Variants in PHACTR2 observed in about 807,000 individuals in gnomAD.
PHACTR2 encodes the protein chromosome 6 open reading frame 56.
In PHACTR2, 30 loss-of-function variants were observed where a neutral mutation model predicts 76.0. The ratio of observed to expected loss-of-function variants is 0.39; its 90% CI spans 0.30 to 0.54. The LOEUF is 0.54. Ranked by LOEUF, PHACTR2 falls within the 20% of genes least tolerant of loss-of-function variation. PHACTR2 has a pLI of 0.61. For synonymous variants in PHACTR2, 292 were observed against 292.5 expected (o/e 1.00, Z 0.02); for missense variants, 696 against 781.1 (o/e 0.89, Z 1.30).
chr6:143,827,857 T>TATTG lies in PHACTR2; in HGVS notation c.*4169_*4172dup, dbSNP rs1353782182. 6.6e-6 allele frequency: 1 copy of TATTG among 152,116 alleles called. No homozygotes were observed. The highest frequency in any genetic ancestry group is 2.4e-5 in the African/African-American group (1 of 41,424). 9.4% of individuals were successfully genotyped at this position (152,116 alleles called of 1,614,324 possible). A position where few individuals can be genotyped will look rare whatever the true frequency, so the allele number is the denominator to read the frequency against. On this transcript the variant is annotated 3_prime_UTR_variant, in exon 13 of 13. Transcript: ENST00000440869. ...ACTTATATAACTAAAATATGTCCTATATTGGCTGGGTGCGGTGGCTTACAC... is the reference window on the plus strand; with the variant it reads ...ACTTATATAACTAAAATATGTCCTATATTGATTGGCTGGGTGCGGTGGCTTACAC...
At position 143,595,883 on chromosome 6, in the gene PHACTR2, TC is replaced by T. The variant is rs1217430794; in HGVS notation, c.217+58679del. Among the ~76,000 whole-genome samples the T allele has an allele frequency of 6.6e-6, 1 of 152,236 alleles. No homozygotes were observed. Among genetic ancestry groups the T allele is most frequent in the African/African-American group, 2.4e-5 (1 of 41,462 alleles). ...CATTAATCCTTTAACCTTTTCCTTC[TC>T]CCTTCCTGTCTACTGAGTTGGGTGG... On this transcript the variant is annotated intron_variant, in intron 1 of 11. Coordinates refer to the PHACTR2 transcript ENST00000367584. The surrounding 1 kb of genome is among the most constrained non-coding windows in gnomAD (Gnocchi z 4.2).
chr6:143,804,847 A>G (rs904979673), intron 11 of PHACTR2, among the ~76,000 whole-genome samples: 1 of 152,236 alleles, frequency 6.6e-6, no homozygotes, highest in Non-Finnish European at 1.5e-5. Context: ...AGAATTGTGA[A>G]TCCCAATCAC....
At position 143,765,561 on chromosome 6, in the gene PHACTR2, A is replaced by G; in HGVS notation, c.995A>G (p.Lys332Arg). Residue 332 changes from lysine (K) to arginine (R), a missense_variant, in exon 6 of 13, where the codon AAG becomes AGG. Transcript: ENST00000440869. The surrounding 1 kb of genome is among the most constrained non-coding windows in gnomAD (Gnocchi z 4.1). ...GAEEQNTGKFKSMVPPPPVAP... is the reference protein window; with the variant it reads ...GAEEQNTGKFRSMVPPPPVAP... The stretch of plus-strand genomic sequence containing the variant: ...GAGGAGCAGAACACAGGCAAATTCA[A>G]GTCCATGGTCCCTCCACCCCCTGTG... 1 of 1,614,182 alleles carries G rather than the reference A, an allele frequency of 6.2e-7. No individual in the cohort carries two copies. The highest frequency in any genetic ancestry group is 1.1e-5 in the South Asian group (1 of 91,084).
intron 6 of PHACTR2, among the ~76,000 whole-genome samples, chr6:143,771,210 A>ATATATATG (rs1775122933): frequency 1.3e-5 from 1 of 79,196 alleles, no homozygotes; most frequent in African/African-American, 6.8e-5. Context: ...ATATATATAT[A>ATATATATG]TATATATATA....
At chr6:143,779,899 TTTATATTATA>T (rs377378201) in intron 9 of PHACTR2, among the ~76,000 whole-genome samples, 15,563 of 140,914 alleles carry the variant, frequency 0.11, 873 homozygotes, top group East Asian at 0.19. Flanking sequence ...CATATACGTA[TTTATATTATA>T]TTATATTATA....
chr6:143,622,422 G>A (rs1401676194), intron 1 of PHACTR2, among the ~76,000 whole-genome samples: 3 of 152,074 alleles, frequency 2.0e-5, no homozygotes, highest in African/African-American at 7.2e-5. Flanking sequence ...TCTCCCCACT[G>A]GCCAGGAAAC....
intron 10 of PHACTR2, 79 bp from the exon 11 acceptor site, chr6:143,788,694 G>T: frequency 1.0e-6 from 1 of 1,003,426 alleles, no homozygotes; most frequent in Non-Finnish European, 1.4e-6. Flanking sequence ...TAACTTTGAA[G>T]TGTTCTCTAT....
intron 1 of PHACTR2, among the ~76,000 whole-genome samples, chr6:143,628,212 T>C (rs934331238): frequency 6.6e-6 from 1 of 152,254 alleles, no homozygotes; most frequent in Non-Finnish European, 1.5e-5. Context: ...CATTGGGTTT[T>C]CCCCACCATT....
chr6:143,747,282 G>C (rs1173535159), intron 2 of PHACTR2, among the ~76,000 whole-genome samples: 1 of 151,956 alleles, frequency 6.6e-6, no homozygotes, highest in Non-Finnish European at 1.5e-5. Context: ...TTATCAGAAA[G>C]GAAAAAAAAA....
rs1776979750 is a variant in PHACTR2, at chr6:143,663,569, G to A, written c.14-48447G>A. Among the ~76,000 whole-genome samples, 1 of 151,834 alleles carries A rather than the reference G, an allele frequency of 6.6e-6. No homozygotes were observed. Among genetic ancestry groups the A allele is most frequent in the African/African-American group, 2.4e-5 (1 of 41,336 alleles). On this transcript the variant is annotated intron_variant, in intron 1 of 11. Transcript: ENST00000305766. The surrounding 1 kb of genome is among the most constrained non-coding windows in gnomAD (Gnocchi z 4.1). ...GTTTTTTTAAATAAATGCGATTAAAGCTTTAAATATAGCTCTAATTACCAC... is the reference window on the plus strand; with the variant it reads ...GTTTTTTTAAATAAATGCGATTAAAACTTTAAATATAGCTCTAATTACCAC...
Position 143,765,639 on chromosome 6 carries a change from T to G in PHACTR2, c.1073T>G (p.Ile358Ser), listed in dbSNP as rs764291581. 1 of 1,614,026 alleles carries G rather than the reference T, an allele frequency of 6.2e-7. No homozygotes were observed. The highest frequency in any genetic ancestry group is 8.5e-7 in the Non-Finnish European group (1 of 1,179,976). The change falls in exon 6 of 13, where the codon ATT (isoleucine) becomes AGT (serine). Residue 358 changes from isoleucine (I) to serine (S), a missense_variant. Physicochemically the swap from Ile to Ser is moderately radical, Grantham distance 142. Around this residue, in one of 2 missense-constraint regions of PHACTR2, gnomAD observed 460 missense variants for 450.9 expected, o/e 1.02. Transcript: ENST00000440869. The surrounding 1 kb of genome is among the most constrained non-coding windows in gnomAD (Gnocchi z 4.1). Reference protein sequence around the residue: ...APPLPLEDQCITASDTPVVLV... With the variant: ...APPLPLEDQCSTASDTPVVLV... ...CCTCTCCCTCTTGAGGATCAGTGCATTACTGCCTCAGACACTCCAGTTGTC... is the reference window on the plus strand; with the variant it reads ...CCTCTCCCTCTTGAGGATCAGTGCAGTACTGCCTCAGACACTCCAGTTGTC...
Position 143,730,842 on chromosome 6 carries a change from G to A in PHACTR2, c.215-18143G>A, listed in dbSNP as rs1391911084. Among the ~76,000 whole-genome samples, 1 of 152,160 alleles carries A rather than the reference G, an allele frequency of 6.6e-6. No individual in the cohort carries two copies. Among genetic ancestry groups the A allele is most frequent in the Non-Finnish European group, 1.5e-5 (1 of 68,018 alleles). ...GGCTCACTGTAACCTCCGCCTCTTG[G>A]GTTCAAGCGATTCTCCTGCTTCAGC... On this transcript the variant is annotated intron_variant, in intron 2 of 12. Coordinates refer to ENST00000440869, the MANE Select transcript of PHACTR2 (RefSeq NM_001100164.2). This position sits in a 1 kb window ranked among gnomAD's most constrained non-coding sequence, Gnocchi z 4.8.
rs943545192 is a variant in PHACTR2 at position 143,742,225 on chromosome 6, A to G, written c.215-6760A>G. Among the ~76,000 whole-genome samples, 6 of 152,176 alleles carry G rather than the reference A, an allele frequency of 3.9e-5. No individual in the cohort carries two copies. Among genetic ancestry groups the G allele is most frequent in the Non-Finnish European group, 5.9e-5 (4 of 68,022 alleles). ...ACTCATTGGCTCATGTAACTGAAAAATCCAGGGGCAGAAAACCTTCAGGCG... is the reference window on the plus strand; with the variant it reads ...ACTCATTGGCTCATGTAACTGAAAAGTCCAGGGGCAGAAAACCTTCAGGCG... On this transcript the variant is annotated intron_variant, in intron 2 of 12. Transcript: ENST00000440869. This position sits in a 1 kb window ranked among gnomAD's most constrained non-coding sequence, Gnocchi z 4.5.
rs184417362 is a variant in PHACTR2 at position 143,627,567 on chromosome 6, G to A, written c.13+19245G>A. On this transcript the variant is annotated intron_variant, in intron 1 of 11. Coordinates refer to the PHACTR2 transcript ENST00000305766. This position sits in a 1 kb window ranked among gnomAD's most constrained non-coding sequence, Gnocchi z 4.3. The stretch of plus-strand genomic sequence containing the variant: ...CTATTTTGAAGTGTCCAATTCAGTG[G>A]CATTCAGTACATTCACAATGTTGTA... 1.7e-4 allele frequency among the ~76,000 whole-genome samples: 25 copies of A among 150,364 alleles called. No individual in the cohort carries two copies. The highest frequency in any genetic ancestry group is 3.1e-4 in the Non-Finnish European group (21 of 67,778).
Position 143,750,911 on chromosome 6 carries a change from C to T in PHACTR2, c.295+1846C>T, listed in dbSNP as rs736785. 0.3 allele frequency among the ~76,000 whole-genome samples: 45,102 copies of T among 151,934 alleles called. 7,919 individuals are homozygous for T. The highest frequency in any genetic ancestry group is 0.42 in the South Asian group (2,019 of 4,822). On this transcript the variant is annotated intron_variant, in intron 3 of 12. Coordinates refer to ENST00000440869, the MANE Select transcript of PHACTR2 (RefSeq NM_001100164.2). This position sits in a 1 kb window ranked among gnomAD's most constrained non-coding sequence, Gnocchi z 4.6. The stretch of plus-strand genomic sequence containing the variant: ...TTTACTTTCCAGCTTTTCCATGGTC[C>T]CTATCTAGAACCGTAGAAATTATCT...
chr6:143,693,297 G>C (rs190842260), intron 1 of PHACTR2, among the ~76,000 whole-genome samples: 2 of 152,170 alleles, frequency 1.3e-5, no homozygotes, highest in East Asian at 3.9e-4. Flanking sequence ...GAGTGCAGTG[G>C]TGTGATCTTG....
intron 12 of PHACTR2, among the ~76,000 whole-genome samples, chr6:143,817,243 A>G (rs1472805035): frequency 6.6e-6 from 1 of 152,244 alleles, no homozygotes; most frequent in Non-Finnish European, 1.5e-5. Flanking sequence ...TCTGAAGATT[A>G]GGACACTGTG....
intron 1 of PHACTR2, among the ~76,000 whole-genome samples, chr6:143,667,091 C>A (rs1777050392): frequency 6.6e-6 from 1 of 152,196 alleles, no homozygotes; most frequent in South Asian, 2.1e-4. Context: ...AAGTTTTCTG[C>A]ATATGGCTAG....
intron 11 of PHACTR2, among the ~76,000 whole-genome samples, chr6:143,792,710 G>A (rs571133322): frequency 2.0e-5 from 3 of 152,242 alleles, no homozygotes; most frequent in African/African-American, 7.2e-5. Context: ...GGTAAGGAAG[G>A]CTCAGAGACT....
Sources: gnomAD v4.1 joint callset for allele counts (sites outside exome capture counted in the v4.1 genomes callset) on GRCh38, gnomAD v4.1.1 for gene constraint, gnomAD v4.1.1 regional missense constraint, Gnocchi (gnomAD v3.1) non-coding constraint, MANE v1.5 for transcripts, NCBI Gene and HGNC (gene_info 2026-07-23, HGNC 2026-07-21) for gene names.